The following ACBD6 variants were observed in gnomAD, a reference collection of about 807,000 sequenced individuals.
ACBD6 encodes the protein acyl-CoA binding domain containing 6.
Under a neutral mutation model 37.2 loss-of-function variants are expected in ACBD6, and 28 were observed. That is an observed-to-expected ratio of 0.75 (90% CI 0.56 to 1.03). The LOEUF is 1.03. Among genes scored for constraint, ACBD6 ranks in the 50% least tolerant of loss-of-function variants. The pLI is 0.00. For synonymous variants in ACBD6, 113 were observed against 126.8 expected (o/e 0.89, Z 0.73); for missense variants, 340 against 337.4 (o/e 1.01, Z -0.06).
chr1:180,272,396 C>G (rs1648728044), intron 13 of ACBD6, among the ~76,000 whole-genome samples: 1 of 152,176 alleles, frequency 6.6e-6, no homozygotes, highest in Non-Finnish European at 1.5e-5. Context: ...CTCCCATAGT[C>G]CCCTAGAGCC....
chr1:180,492,135 A>T, intron 3 of ACBD6, 134 bp downstream of exon 3: 1 of 715,094 alleles, frequency 1.4e-6, no homozygotes, highest in Non-Finnish European at 2.3e-6. Context: ...GATAAATATT[A>T]CAATAACTTT....
At chr1:180,354,711 T>A (rs1016767459) in intron 6 of ACBD6, among the ~76,000 whole-genome samples, 4 of 152,176 alleles carry the variant, frequency 2.6e-5, no homozygotes, top group Non-Finnish European at 5.9e-5. Context: ...AATGACTGTA[T>A]TAAAGGGAAT....
At chr1:180,311,577 A>G (rs576294962) in intron 7 of ACBD6, among the ~76,000 whole-genome samples, 74 of 152,280 alleles carry the variant, frequency 4.9e-4, no homozygotes, top group South Asian at 8.3e-4. Flanking sequence ...AGTTGGGACC[A>G]TATTTGCCCA....
At chr1:180,457,823 G>A (rs1422142221) in intron 3 of ACBD6, among the ~76,000 whole-genome samples, 2 of 141,198 alleles carry the variant, frequency 1.4e-5, no homozygotes, top group Non-Finnish European at 3.0e-5. Flanking sequence ...ACGGAGTTTC[G>A]CTCTTGTCGC....
chr1:180,287,273 C>T (rs1346770390), downstream of ACBD6: 2 of 151,888 alleles, frequency 1.3e-5, no homozygotes, highest in Admixed American at 1.3e-4. Context: ...TGGTGGCACG[C>T]ACCTGTAGTC....
intron 4 of ACBD6, among the ~76,000 whole-genome samples, chr1:180,427,922 A>T (rs939427777): frequency 6.6e-6 from 1 of 151,598 alleles, no homozygotes. Flanking sequence ...CTGTCTCAAA[A>T]AAAAAAAAAA....
chr1:180,297,649 T>C, intron 7 of ACBD6, among the ~76,000 whole-genome samples: 1 of 152,212 alleles, frequency 6.6e-6, no homozygotes, highest in East Asian at 1.9e-4. Context: ...GAAGAGACGG[T>C]ATCATCTTTA....
At position 180,416,905 on chromosome 1, in the gene ACBD6, A is replaced by G. The variant is rs551719696; in HGVS notation, c.468-3434T>C. On this transcript the variant is annotated intron_variant, in intron 4 of 7. Coordinates refer to ENST00000367595, the MANE Select transcript of ACBD6 (RefSeq NM_032360.4). ...TTTAACTACAAAAATTATGGAAGGA[A>G]CTAGCTTGGAAATCTATTTAATAGG... 1.2e-4 allele frequency among the ~76,000 whole-genome samples: 19 copies of G among 152,312 alleles called. 1 individual carries two copies. The South Asian group carries it at 3.7e-3, about 30-fold the overall frequency.
rs548729678 is a variant in ACBD6 at position 180,381,239 on chromosome 1, C to T, written c.663+16277G>A. 7.0e-4 allele frequency among the ~76,000 whole-genome samples: 106 copies of T among 152,178 alleles called. 2 individuals carry two copies. Among genetic ancestry groups the T allele is most frequent in the Admixed American group, 2.0e-3 (30 of 15,288 alleles). ...AGCAAATATTATTAGATTTAAAGGGCGGGATAGACTCCAATACAATAACAA... is the reference window on the plus strand; with the variant it reads ...AGCAAATATTATTAGATTTAAAGGGTGGGATAGACTCCAATACAATAACAA... On this transcript the variant is annotated intron_variant, in intron 6 of 7. Transcript: ENST00000367595.
chr1:180,343,430 A>G (rs1467527891), intron 6 of ACBD6, among the ~76,000 whole-genome samples: 7 of 152,172 alleles, frequency 4.6e-5, no homozygotes, highest in Non-Finnish European at 1.0e-4. Context: ...TCTTTACCAT[A>G]CCTTTAAAAT....
At chr1:180,458,979 T>C (rs1468858916) in intron 3 of ACBD6, among the ~76,000 whole-genome samples, 1 of 152,182 alleles carries the variant, frequency 6.6e-6, no homozygotes, top group Non-Finnish European at 1.5e-5. Context: ...TTAAAGGTTT[T>C]ATTAGAAAGT....
intron 7 of ACBD6, 116 bp downstream of exon 7, chr1:180,314,576 A>G (rs545914916): frequency 4.2e-5 from 35 of 842,224 alleles, no homozygotes; most frequent in Middle Eastern, 5.5e-4. Flanking sequence ...AAGTTATTGT[A>G]TCTCTGCTAG....
At chr1:180,379,795 G>A (rs1331323291) in intron 6 of ACBD6, among the ~76,000 whole-genome samples, 4 of 152,084 alleles carry the variant, frequency 2.6e-5, no homozygotes, top group Non-Finnish European at 5.9e-5. Flanking sequence ...GCAAAGTATT[G>A]GAACCCCAGA....
intron 6 of ACBD6, among the ~76,000 whole-genome samples, chr1:180,390,129 G>A (rs1347594883): frequency 6.6e-6 from 1 of 152,086 alleles, no homozygotes; most frequent in Non-Finnish European, 1.5e-5. Context: ...GGTTTTTATG[G>A]TTTTAGGTCT....
At chr1:180,274,408 G>T in intron 10 of ACBD6, 1 of 1,614,162 alleles carries the variant, frequency 6.2e-7, no homozygotes, top group Non-Finnish European at 8.5e-7. Flanking sequence ...ATTACACGGT[G>T]GACAGTAATT....
chr1:180,293,465 A>C (rs985348777), intron 7 of ACBD6, among the ~76,000 whole-genome samples: 7 of 151,526 alleles, frequency 4.6e-5, no homozygotes, highest in Admixed American at 3.9e-4. Context: ...CCACCACCAC[A>C]CCCAGCTAAT....
intron 7 of ACBD6, among the ~76,000 whole-genome samples, chr1:180,298,202 G>C (rs1649996122): frequency 6.6e-6 from 1 of 152,140 alleles, no homozygotes; most frequent in Non-Finnish European, 1.5e-5. Flanking sequence ...TGAAAAAAAG[G>C]CTATTTATCC....
rs952891864 is a variant in ACBD6 at position 180,442,170 on chromosome 1, CTT to C, written c.385-11910_385-11909del. ...TCATGTTTTCTGTCTGCTTTTTTCTCTTTTTCACTGGCTTTCAACAATTTGTT... is the reference window on the plus strand; with the variant it reads ...TCATGTTTTCTGTCTGCTTTTTTCTCTTTCACTGGCTTTCAACAATTTGTT... On this transcript the variant is annotated intron_variant, in intron 3 of 7. Transcript: ENST00000367595. Among the ~76,000 whole-genome samples the C allele has an allele frequency of 9.6e-4, 146 of 152,192 alleles. 1 individual carries two copies. The highest frequency in any genetic ancestry group is 3.4e-3 in the African/African-American group (142 of 41,538).
Position 180,502,036 on chromosome 1 carries a change from C to A in ACBD6, c.222+9G>T. The A allele has an allele frequency of 1.2e-6, 2 of 1,613,096 alleles. No individual in the cohort carries two copies. Among genetic ancestry groups the A allele is most frequent in the Non-Finnish European group, 1.7e-6 (2 of 1,179,572 alleles). On this transcript the variant is annotated intron_variant, in intron 1 of 7. Transcript: ENST00000367595. The stretch of plus-strand genomic sequence containing the variant: ...TTCTCCCCCATCCACCCTCTCCCTG[C>A]TACTTTACCTGTTTGTACCTGGCAT...
Sources: gnomAD v4.1 joint callset for allele counts (sites outside exome capture counted in the v4.1 genomes callset) on GRCh38, gnomAD v4.1.1 for gene constraint, MANE v1.5 for transcripts, NCBI Gene and HGNC (gene_info 2026-07-23, HGNC 2026-07-21) for gene names.